PLD2: variants seen among roughly 807,000 people sequenced by gnomAD.
PLD2 encodes phospholipase D2.
A neutral mutation model predicts 119.8 loss-of-function variants in PLD2; 101 were observed. The ratio of observed to expected loss-of-function variants is 0.84; its 90% CI spans 0.72 to 0.99. The LOEUF (loss-of-function observed/expected upper bound fraction) is 0.99. Ranked by LOEUF, PLD2 falls within the 50% of genes least tolerant of loss-of-function variation. The pLI, the probability that PLD2 is intolerant of heterozygous loss-of-function variation, is 0.00. For synonymous variants in PLD2, 494 were observed against 482.8 expected (o/e 1.02, Z -0.30); for missense variants, 1,164 against 1,226.8 (o/e 0.95, Z 0.76).
At position 4,818,763 on chromosome 17, in the gene PLD2, T is replaced by C. The variant is rs1300823164; in HGVS notation, c.2124-11T>C. On this transcript the variant is annotated splice_polypyrimidine_tract_variant and intron_variant, in intron 20 of 24. Transcript: ENST00000263088. ...CAGCCTCCACTTCTCTCCCTCTTTC[T>C]TTTCTCTCAGGACCCTGTGTCGTGG... The C allele has an allele frequency of 7.4e-6, 12 of 1,614,108 alleles. No homozygotes were observed. Among genetic ancestry groups the C allele is most frequent in the Non-Finnish European group, 1.0e-5 (12 of 1,179,982 alleles).
Position 4,819,429 on chromosome 17 carries a change from G to A in PLD2, c.2309G>A (p.Gly770Asp). ...ACAGTGTGCCCCGCATCCACCCCAG[G>A]TTCTGCAAACATCAATGACCGGAGC... Reference protein sequence around the residue: ...LIADDRTVIIGSANINDRSLL... With the variant: ...LIADDRTVIIDSANINDRSLL... The change falls in exon 23 of 25, where the codon GGT becomes GAT. Residue 770 changes from glycine (G) to aspartate (D), a missense_variant and splice_region_variant. Physicochemically the swap from Gly to Asp is moderately conservative, Grantham distance 94. Coordinates refer to ENST00000263088, the MANE Select transcript of PLD2 (RefSeq NM_002663.5). This position sits in a 1 kb window ranked among gnomAD's most constrained non-coding sequence, Gnocchi z 4.2. 6.2e-7 allele frequency: 1 copy of A among 1,613,404 alleles called. No homozygotes were observed.
chr17:4,810,990 T>C, intron 10 of PLD2, 39 bp downstream of exon 10: 1 of 1,575,330 alleles, frequency 6.3e-7, no homozygotes, highest in Non-Finnish European at 8.6e-7. Context: ...GTCTGTGGCT[T>C]TCTTGACCCC....
At position 4,818,381 on chromosome 17, in the gene PLD2, C is replaced by T; in HGVS notation, c.2005C>T (p.His669Tyr). Residue 669 changes from histidine (H) to tyrosine (Y), a missense_variant, in exon 19 of 25, where the codon CAC becomes TAC. Coordinates refer to ENST00000263088, the MANE Select transcript of PLD2 (RefSeq NM_002663.5). ...GATTGTGGACAGAATCCTGAAGGCC[C>T]ACAAGTAAGGTGGACTGTCAGGAAG... ...DEIVDRILKAHKQGWCYRVYV... is the reference protein window; with the variant it reads ...DEIVDRILKAYKQGWCYRVYV... 6.2e-7 allele frequency: 1 copy of T among 1,613,918 alleles called. No individual in the cohort carries two copies. Among genetic ancestry groups the T allele is most frequent in the Non-Finnish European group, 8.5e-7 (1 of 1,179,870 alleles).
chr17:4,812,871 T>C (rs948368408), intron 10 of PLD2, among the ~76,000 whole-genome samples: 1 of 152,080 alleles, frequency 6.6e-6, no homozygotes, highest in Non-Finnish European at 1.5e-5. Flanking sequence ...GGACATATTG[T>C]TGTTACTGAG....
intron 24 of PLD2, among the ~76,000 whole-genome samples, chr17:4,822,230 A>C (rs1387444572): frequency 6.6e-6 from 1 of 152,054 alleles, no homozygotes; most frequent in African/African-American, 2.4e-5. Flanking sequence ...GAGGCAGGAG[A>C]ATCTCTTGAA....
Position 4,808,522 on chromosome 17 carries a change from C to T in PLD2, c.383+106C>T. On this transcript the variant is annotated intron_variant, in intron 4 of 24. Coordinates refer to ENST00000263088, the MANE Select transcript of PLD2 (RefSeq NM_002663.5). The surrounding 1 kb of genome is among the most constrained non-coding windows in gnomAD (Gnocchi z 4.1). ...CCTTTCCTCCCTGCAACTCTGGCCACTGTGCTGCCTCCCCTGACCCCAGTT... is the reference window on the plus strand; with the variant it reads ...CCTTTCCTCCCTGCAACTCTGGCCATTGTGCTGCCTCCCCTGACCCCAGTT... 9.2e-7 allele frequency: 1 copy of T among 1,085,306 alleles called. No individual in the cohort carries two copies. Among genetic ancestry groups the T allele is most frequent in the Non-Finnish European group, 1.4e-6 (1 of 733,808 alleles). 67.2% of individuals were successfully genotyped at this position (1,085,306 alleles called of 1,614,324 possible). A position where few individuals can be genotyped will look rare whatever the true frequency, so the allele number is the denominator to read the frequency against.
At position 4,808,534 on chromosome 17, in the gene PLD2, C is replaced by T. The variant is rs116814325; in HGVS notation, c.383+118C>T. The T allele has an allele frequency of 1.1e-3, 1,067 of 940,592 alleles. 9 individuals carry two copies. The African/African-American group carries it at 0.014, about 12-fold the overall frequency. 58.3% of individuals were successfully genotyped at this position (940,592 alleles called of 1,614,324 possible). On this transcript the variant is annotated intron_variant, in intron 4 of 24. Transcript: ENST00000263088. The surrounding 1 kb of genome is among the most constrained non-coding windows in gnomAD (Gnocchi z 4.1). ...GCAACTCTGGCCACTGTGCTGCCTC[C>T]CCTGACCCCAGTTACCAGGAAACTT... is the stretch of plus-strand genomic sequence containing the variant.
rs781436206 is a variant in PLD2 at position 4,809,993 on chromosome 17, A to G, written c.824A>G (p.Glu275Gly). Residue 275 changes from glutamate (E) to glycine (G), a missense_variant, in exon 9 of 25, where the codon GAG becomes GGG. Transcript: ENST00000263088. ...FEVQVGKRST[E>G]ARHGVRIDTS... is the part of the protein sequence containing the mutation. ...GTGCAAGTGGGGAAAAGGAGCACGG[A>G]GGCACGGCACGGCGTGCGGATCGAT... The G allele has an allele frequency of 1.2e-6, 2 of 1,613,720 alleles. No homozygotes were observed. Among genetic ancestry groups the G allele is most frequent in the Non-Finnish European group, 1.7e-6 (2 of 1,180,024 alleles).
intron 10 of PLD2, 50 bp downstream of exon 10, chr17:4,811,001 C>G (rs201244120): frequency 1.6e-5 from 25 of 1,549,784 alleles, no homozygotes; most frequent in Middle Eastern, 1.9e-4. Flanking sequence ...TCTTGACCCC[C>G]TGTGTAATCT....
chr17:4,822,275 C>T lies in PLD2; in HGVS notation c.2578-365C>T, dbSNP rs531157416. The stretch of plus-strand genomic sequence containing the variant: ...CAGAGATTTCAGTGAGCCGAGATCA[C>T]GCCATTGCACTCCAGCCACCTGGGC... On this transcript the variant is annotated intron_variant, in intron 24 of 24. Transcript: ENST00000263088. Among the ~76,000 whole-genome samples, 7 of 152,106 alleles carry T rather than the reference C, an allele frequency of 4.6e-5. No individual in the cohort carries two copies. In the East Asian group the frequency reaches 9.7e-4, roughly 21 times the overall value.
Position 4,807,844 on chromosome 17 carries a change from C to G in PLD2, c.72C>G (p.Ser24=), listed in dbSNP as rs755241548. 6.2e-7 allele frequency: 1 copy of G among 1,613,316 alleles called. No individual in the cohort carries two copies. The highest frequency in any genetic ancestry group is 1.1e-5 in the South Asian group (1 of 91,062). Residue 24 remains serine, a synonymous_variant, in exon 2 of 25, where the codon TCC becomes TCG. Coordinates refer to ENST00000263088, the MANE Select transcript of PLD2 (RefSeq NM_002663.5). The surrounding 1 kb of genome is among the most constrained non-coding windows in gnomAD (Gnocchi z 5.4). ...ELDSSQLQME[S]DEVDTLKEGE... The stretch of plus-strand genomic sequence containing the variant: ...ACTCCAGCCAGCTCCAGATGGAGTC[C>G]GATGAGGTGGACACCCTGAAGGAGG...
rs774146672 is a variant in PLD2, at chr17:4,817,199, T to C, written c.1755T>C (p.Ser585=). ...CATACCCCTACCTGCTTCCCAAGTC[T>C]ACCAGCACGGCCAATCAGCTCCCCT... The part of the protein sequence containing the change: ...TPTYPYLLPK[S]TSTANQLPFT... The change falls in exon 17 of 25, where the codon TCT becomes TCC. Residue 585 remains serine (S), a synonymous_variant. Transcript: ENST00000263088. 1 of 1,613,988 alleles carries C rather than the reference T, an allele frequency of 6.2e-7. No individual in the cohort carries two copies. Among genetic ancestry groups the C allele is most frequent in the East Asian group, 2.2e-5 (1 of 44,874 alleles).
intron 10 of PLD2, among the ~76,000 whole-genome samples, chr17:4,813,846 G>A (rs1018714734): frequency 1.7e-4 from 26 of 152,166 alleles, no homozygotes; most frequent in African/African-American, 4.8e-4. Context: ...GTGACAGAGC[G>A]GGACACCATC....
intron 17 of PLD2, 96 bp from the exon 18 acceptor site, chr17:4,817,906 G>A: frequency 3.5e-5 from 27 of 770,788 alleles, no homozygotes; most frequent in South Asian, 6.5e-5. Flanking sequence ...TGCAGTGAGC[G>A]GAGATCATGC....
intron 10 of PLD2, among the ~76,000 whole-genome samples, chr17:4,811,292 CTTTTCT>C (rs1216193036): frequency 9.1e-6 from 1 of 110,388 alleles, no homozygotes; most frequent in Admixed American, 1.2e-4. Flanking sequence ...TAAACATTTT[CTTTTCT>C]TTTTTTTTTT....
chr17:4,823,110 C>T lies in PLD2; in HGVS notation c.*246C>T, dbSNP rs759976423. 2.1e-6 allele frequency: 1 copy of T among 485,806 alleles called. No individual in the cohort carries two copies. Among genetic ancestry groups the T allele is most frequent in the Non-Finnish European group, 3.7e-6 (1 of 273,140 alleles). 30.1% of individuals were successfully genotyped at this position (485,806 alleles called of 1,614,324 possible). A position where few individuals can be genotyped will look rare whatever the true frequency, so the allele number is the denominator to read the frequency against. On this transcript the variant is annotated 3_prime_UTR_variant, in exon 25 of 25. Transcript: ENST00000263088. ...ATCCCCCCTGCTGCCCAGTGCAAAC[C>T]ACTTCTCCATGCTGCAAAGGAGAAG...
At position 4,817,909 on chromosome 17, in the gene PLD2, G is replaced by A. The variant is rs191644874; in HGVS notation, c.1816-93G>A. The A allele has an allele frequency of 1.1e-4, 93 of 815,396 alleles. No individual in the cohort carries two copies. In the East Asian group the frequency reaches 1.9e-3, roughly 16 times the overall value. The allele number at this position is 815,396 out of a possible 1,614,324, so 50.5% of individuals were successfully genotyped here. A position where few individuals can be genotyped will look rare whatever the true frequency, so the allele number is the denominator to read the frequency against. On this transcript the variant is annotated intron_variant, in intron 17 of 24. Coordinates refer to ENST00000263088, the MANE Select transcript of PLD2 (RefSeq NM_002663.5). ...GGAGGAGGAGCTTGCAGTGAGCGGA[G>A]ATCATGCCACTGCACTCCAGCCTAG...
At position 4,816,689 on chromosome 17, in the gene PLD2, A is replaced by G. The variant is rs756034025; in HGVS notation, c.1525A>G (p.Lys509Glu). The change falls in exon 15 of 25, where the codon AAG becomes GAG. Residue 509 changes from lysine to glutamate, a missense_variant. By Grantham distance (56) the Lys-to-Glu change is moderately conservative. Transcript: ENST00000263088. ...LSHNQFFWLG[K>E]DYSNLITKDW... Reference sequence around the variant, plus strand: ...TCACAACCAATTCTTCTGGCTGGGCAAGGACTACAGCAATCTTATCACCAA... The same window carrying G: ...TCACAACCAATTCTTCTGGCTGGGCGAGGACTACAGCAATCTTATCACCAA... 6.8e-6 allele frequency: 11 copies of G among 1,613,990 alleles called. No individual in the cohort carries two copies. In the South Asian group the frequency reaches 1.2e-4, roughly 18 times the overall value.
At chr17:4,809,060 C>T (rs748217920) in intron 4 of PLD2, 40 bp from the exon 5 acceptor site, 2 of 1,492,952 alleles carry the variant, frequency 1.3e-6, no homozygotes, top group African/African-American at 1.4e-5. Flanking sequence ...AGCACCCAGC[C>T]TCCCAGCTCT....
Sources: allele counts gnomAD v4.1 joint callset (sites outside exome capture counted in the v4.1 genomes callset), GRCh38; gene constraint gnomAD v4.1.1; non-coding constraint Gnocchi (gnomAD v3.1); transcripts MANE v1.5; gene names NCBI Gene and HGNC (gene_info 2026-07-23, HGNC 2026-07-21).